The following GMDS variants were observed in gnomAD, a reference collection of about 807,000 sequenced individuals.
GMDS encodes the protein GDP-mannose 4,6 dehydratase.
In GMDS, 20 loss-of-function variants were observed where a neutral mutation model predicts 49.9. The ratio of observed to expected loss-of-function variants is 0.40; its 90% CI spans 0.28 to 0.58. The LOEUF (loss-of-function observed/expected upper bound fraction) is 0.58. GMDS is among the 20% of genes least tolerant of loss of function. The pLI is 0.42. For missense variants in GMDS, 362 were observed against 481.4 expected (o/e 0.75, Z 2.32); for synonymous variants, 177 against 178.6 (o/e 0.99, Z 0.07).
intron 1 of GMDS, among the ~76,000 whole-genome samples, chr6:2,126,836 G>A (rs1775475701): frequency 6.6e-6 from 1 of 152,100 alleles, no homozygotes; most frequent in Non-Finnish European, 1.5e-5. Context: ...TTTTCACCAT[G>A]TTGGCCAGGC....
chr6:1,726,379 A>G (rs1766587580), intron 9 of GMDS, 37 bp downstream of exon 9: 5 of 1,404,762 alleles, frequency 3.6e-6, no homozygotes, highest in Middle Eastern at 3.6e-4. Flanking sequence ...CAGCCAGCCA[A>G]ATGTGGCCAC....
chr6:2,127,404 T>C (rs1383970651), intron 1 of GMDS, among the ~76,000 whole-genome samples: 1 of 98,656 alleles, frequency 1.0e-5, no homozygotes, highest in Non-Finnish European at 2.4e-5. Context: ...CTACATTAAA[T>C]GTTTAAAAAA....
At chr6:1,814,172 C>T (rs1285579509) in intron 7 of GMDS, among the ~76,000 whole-genome samples, 1 of 152,148 alleles carries the variant, frequency 6.6e-6, no homozygotes, top group Non-Finnish European at 1.5e-5. Context: ...TGATTAAATG[C>T]AATGTGGCTA....
At chr6:2,216,292 A>T (rs994990557) in intron 1 of GMDS, among the ~76,000 whole-genome samples, 3 of 152,238 alleles carry the variant, frequency 2.0e-5, no homozygotes, top group Admixed American at 6.5e-5. Flanking sequence ...TATGTACATA[A>T]TGTGTTTAAA....
At position 1,726,397 on chromosome 6, in the gene GMDS, G is replaced by C; in HGVS notation, c.987+19C>G. On this transcript the variant is annotated intron_variant, in intron 9 of 10. Transcript: ENST00000380815. ...CCAGCCAAATGTGGCCACGCACTGG[G>C]TGGCCAGAGAGTCCTTACCACTTCA... 4 of 1,558,594 alleles carry C rather than the reference G, an allele frequency of 2.6e-6. No homozygotes were observed. Among genetic ancestry groups the C allele is most frequent in the Non-Finnish European group, 2.7e-6 (3 of 1,129,274 alleles).
At chr6:1,736,062 G>A (rs1766991757) in intron 8 of GMDS, among the ~76,000 whole-genome samples, 1 of 152,138 alleles carries the variant, frequency 6.6e-6, no homozygotes, top group African/African-American at 2.4e-5. Flanking sequence ...TAGTTAAGAA[G>A]GAAAATGGGC....
intron 7 of GMDS, among the ~76,000 whole-genome samples, chr6:1,805,881 T>C (rs964273443): frequency 6.6e-6 from 1 of 152,218 alleles, no homozygotes; most frequent in Non-Finnish European, 1.5e-5. Flanking sequence ...TTGGAGAAAC[T>C]CTGGTATAAG....
At chr6:1,970,412 C>T (rs1764531389) in intron 4 of GMDS, among the ~76,000 whole-genome samples, 1 of 149,194 alleles carries the variant, frequency 6.7e-6, no homozygotes, top group Admixed American at 6.6e-5. Context: ...GCAGATCTTT[C>T]CCCCGCCCCC....
At chr6:1,645,005 G>GGCTCACT (rs1183808708) in intron 9 of GMDS, among the ~76,000 whole-genome samples, 1 of 150,536 alleles carries the variant, frequency 6.6e-6, no homozygotes, top group Non-Finnish European at 1.5e-5. Context: ...GCGTGATCCT[G>GGCTCACT]GCTCACTGCA....
chr6:1,991,047 C>T (rs1274255756), intron 4 of GMDS, among the ~76,000 whole-genome samples: 1 of 151,826 alleles, frequency 6.6e-6, no homozygotes, highest in African/African-American at 2.4e-5. Flanking sequence ...CTTTTGGGTT[C>T]TCTACCCCTC....
intron 9 of GMDS, among the ~76,000 whole-genome samples, chr6:1,632,032 A>C (rs1258512186): frequency 6.6e-6 from 1 of 152,176 alleles, no homozygotes; most frequent in Non-Finnish European, 1.5e-5. Flanking sequence ...TCTATACTAC[A>C]TGGTCACCTG....
At chr6:2,212,758 T>G (rs1157898538) in intron 1 of GMDS, among the ~76,000 whole-genome samples, 1 of 150,816 alleles carries the variant, frequency 6.6e-6, no homozygotes, top group Non-Finnish European at 1.5e-5. Flanking sequence ...GCTTACTACT[T>G]GAAAACAACA....
At chr6:1,972,262 G>GT (rs5873825) in intron 4 of GMDS, among the ~76,000 whole-genome samples, 57,046 of 133,562 alleles carry the variant, frequency 0.43, 11,479 homozygotes, top group Non-Finnish European at 0.48. Flanking sequence ...CTGGGTTTTT[G>GT]TTTTTTTTTT....
chr6:1,813,223 TAAAAAAAA>T (rs56705761), intron 7 of GMDS, among the ~76,000 whole-genome samples: 1 of 85,298 alleles, frequency 1.2e-5, no homozygotes, highest in Non-Finnish European at 2.1e-5. Flanking sequence ...CTCTGTCTCT[TAAAAAAAA>T]AAAAAAAAAA....
At chr6:1,922,634 C>T (rs1186418918) in intron 7 of GMDS, among the ~76,000 whole-genome samples, 3 of 152,148 alleles carry the variant, frequency 2.0e-5, no homozygotes, top group Non-Finnish European at 4.4e-5. Context: ...CATCCTCTGC[C>T]TATAAAGACC....
At chr6:2,219,399 T>A (rs995967419) in intron 1 of GMDS, among the ~76,000 whole-genome samples, 2 of 152,162 alleles carry the variant, frequency 1.3e-5, no homozygotes, top group Non-Finnish European at 1.5e-5. Context: ...GAAGACAACA[T>A]AGAACTTACT....
chr6:1,889,500 C>T (rs2113837593), intron 7 of GMDS, among the ~76,000 whole-genome samples: 1 of 152,278 alleles, frequency 6.6e-6, no homozygotes, highest in Middle Eastern at 3.4e-3. Context: ...ACTTCCACGG[C>T]TTCGACTACT....
intron 4 of GMDS, among the ~76,000 whole-genome samples, chr6:2,037,307 T>C (rs1439630080): frequency 6.6e-6 from 1 of 152,114 alleles, no homozygotes; most frequent in Admixed American, 6.5e-5. Context: ...GTTCTCACAC[T>C]GTAGAATCAG....
chr6:1,819,634 G>T (rs1013488132), intron 7 of GMDS, among the ~76,000 whole-genome samples: 2 of 151,510 alleles, frequency 1.3e-5, no homozygotes, highest in African/African-American at 4.9e-5. Flanking sequence ...GGGGGCAGGC[G>T]CCTGTCATCC....
Sources: gnomAD v4.1 joint callset for allele counts (sites outside exome capture counted in the v4.1 genomes callset) on GRCh38, gnomAD v4.1.1 for gene constraint, MANE v1.5 for transcripts, NCBI Gene and HGNC (gene_info 2026-07-23, HGNC 2026-07-21) for gene names.